RAPGEF1: variants seen among roughly 807,000 people sequenced by gnomAD.
The protein encoded by RAPGEF1 is CRK SH3-binding GNRP.
A neutral mutation model predicts 143.3 loss-of-function variants in RAPGEF1; 33 were observed. The observed-to-expected ratio is 0.23, with a 90% CI of 0.17 to 0.31. The LOEUF (loss-of-function observed/expected upper bound fraction) is 0.31, where lower values mean the gene tolerates loss of function less well. RAPGEF1 is among the 10% of genes least tolerant of loss of function. The probability of loss-of-function intolerance (pLI) is 1.00; values close to 1 mark genes in which losing one functional copy is unlikely to be tolerated. For synonymous variants in RAPGEF1, 629 were observed against 676.5 expected (o/e 0.93, Z 1.09); for missense variants, 1,199 against 1,645.4 (o/e 0.73, Z 4.69).
Position 131,628,011 on chromosome 9 carries a change from C to T in RAPGEF1, c.1103G>A (p.Cys368Tyr), listed in dbSNP as rs1320147741. The stretch of plus-strand genomic sequence containing the variant: ...CTTGCTGAGCTTGCCTATGCTGCTG[C>T]AGGGGGAGAGGCGGGGCGACTCTCC... ...YGGESPRLSP[C>Y]SSIGKLSKSD... Residue 368 changes from cysteine to tyrosine, a missense_variant, in exon 9 of 27, where the codon TGC becomes TAC. Physicochemically the swap from Cys to Tyr is radical, Grantham distance 194. This residue lies in a region of RAPGEF1 where 613 missense variants were observed against 710.9 expected (regional missense o/e 0.86). Coordinates refer to ENST00000683357, the MANE Select transcript of RAPGEF1 (RefSeq NM_001377935.1). This position sits in a 1 kb window ranked among gnomAD's most constrained non-coding sequence, Gnocchi z 5.7. The T allele has an allele frequency of 1.9e-6, 3 of 1,595,840 alleles. No homozygotes were observed. The Admixed American group carries it at 5.2e-5, about 28-fold the overall frequency.
chr9:131,584,192 C>T lies in RAPGEF1; in HGVS notation c.3414+119G>A. ...GTCACACAGCATGTCGGTGGCAGAGCAGGGGCCTAGGCCCAGCATTTGCTC... is the reference window on the plus strand; with the variant it reads ...GTCACACAGCATGTCGGTGGCAGAGTAGGGGCCTAGGCCCAGCATTTGCTC... On this transcript the variant is annotated intron_variant, in intron 24 of 26. Coordinates refer to ENST00000683357, the MANE Select transcript of RAPGEF1 (RefSeq NM_001377935.1). This position sits in a 1 kb window ranked among gnomAD's most constrained non-coding sequence, Gnocchi z 6.8. The T allele has an allele frequency of 1.1e-6, 1 of 902,308 alleles. No homozygotes were observed. Among genetic ancestry groups the T allele is most frequent in the Non-Finnish European group, 1.7e-6 (1 of 586,388 alleles). The allele number at this position is 902,308 out of a possible 1,614,324, so 55.9% of individuals were successfully genotyped here. A position where few individuals can be genotyped will look rare whatever the true frequency, so the allele number is the denominator to read the frequency against.
At position 131,578,324 on chromosome 9, in the gene RAPGEF1, G is replaced by C. The variant is rs999165860; in HGVS notation, c.*1173C>G. 6.6e-6 allele frequency: 1 copy of C among 152,602 alleles called. No individual in the cohort carries two copies. The highest frequency in any genetic ancestry group is 2.4e-5 in the African/African-American group (1 of 41,484). The allele number at this position is 152,602 out of a possible 1,614,324, so 9.5% of individuals were successfully genotyped here. A position where few individuals can be genotyped will look rare whatever the true frequency, so the allele number is the denominator to read the frequency against. ...TCTGCTCTGGAAGCCGCTCTGGCGT[G>C]GGGAGAGTGGGGAGAGGGTGCGCTT... On this transcript the variant is annotated 3_prime_UTR_variant, in exon 27 of 27. Coordinates refer to ENST00000683357, the MANE Select transcript of RAPGEF1 (RefSeq NM_001377935.1).
intron 1 of RAPGEF1, among the ~76,000 whole-genome samples, chr9:131,660,064 C>T (rs376376357): frequency 2.0e-5 from 3 of 152,196 alleles, no homozygotes; most frequent in East Asian, 1.9e-4. Context: ...GTGATCCGCC[C>T]GCCTCGGCCT....
chr9:131,610,259 C>T (rs560697537), intron 12 of RAPGEF1, among the ~76,000 whole-genome samples: 2 of 152,308 alleles, frequency 1.3e-5, no homozygotes, highest in African/African-American at 4.8e-5. Context: ...CACTTAATTC[C>T]TCTGCTGATC....
At chr9:131,635,552 C>T (rs1363629350) in intron 5 of RAPGEF1, among the ~76,000 whole-genome samples, 1 of 152,238 alleles carries the variant, frequency 6.6e-6, no homozygotes, top group Non-Finnish European at 1.5e-5. Flanking sequence ...CCCTTCTGCA[C>T]AGCTCCAGTC....
In RAPGEF1 at chr9:131,667,622, CCA is replaced by C. The variant is rs1225721903; in HGVS notation, c.62-16675_62-16674del. 6.6e-6 allele frequency among the ~76,000 whole-genome samples: 1 copy of C among 152,190 alleles called. No homozygotes were observed. ...GACTGATTTTCTCTGAAGGTAGGGA[CCA>C]CAGTCATTCAAAGGGGAACTGCCAC... On this transcript the variant is annotated intron_variant, in intron 1 of 26. Coordinates refer to ENST00000683357, the MANE Select transcript of RAPGEF1 (RefSeq NM_001377935.1). The surrounding 1 kb of genome is among the most constrained non-coding windows in gnomAD (Gnocchi z 4.6).
intron 1 of RAPGEF1, among the ~76,000 whole-genome samples, chr9:131,676,501 C>T (rs1409073958): frequency 6.6e-6 from 1 of 152,240 alleles, no homozygotes; most frequent in African/African-American, 2.4e-5. Context: ...AGCCCAACCA[C>T]GTCCTTTGAT....
In RAPGEF1 at chr9:131,628,575, T is replaced by C; in HGVS notation, c.991A>G (p.Ser331Gly). 2 of 1,612,896 alleles carry C rather than the reference T, an allele frequency of 1.2e-6. No homozygotes were observed. Among genetic ancestry groups the C allele is most frequent in the South Asian group, 1.1e-5 (1 of 91,074 alleles). Residue 331 changes from serine to glycine, a missense_variant, in exon 8 of 27, where the codon AGT becomes GGT. This residue lies in a region of RAPGEF1 where 613 missense variants were observed against 710.9 expected (regional missense o/e 0.86). Coordinates refer to ENST00000683357, the MANE Select transcript of RAPGEF1 (RefSeq NM_001377935.1). This position sits in a 1 kb window ranked among gnomAD's most constrained non-coding sequence, Gnocchi z 5.7. ...APMSRATSGS[S>G]LPVGINRQDF... is the part of the protein sequence containing the mutation. ...TGCCTATTGATTCCAACAGGCAAAC[T>C]GGAGCCACTGGTGGCTCGGCTCATG...
chr9:131,588,062 T>C, intron 20 of RAPGEF1, 36 bp from the exon 21 acceptor site: 2 of 1,565,526 alleles, frequency 1.3e-6, no homozygotes, highest in Non-Finnish European at 1.7e-6. Flanking sequence ...CCGTCAGGGG[T>C]GGGGAGGCCG....
intron 3 of RAPGEF1, among the ~76,000 whole-genome samples, chr9:131,646,961 T>C (rs1969818147): frequency 6.6e-6 from 1 of 152,062 alleles, no homozygotes; most frequent in African/African-American, 2.4e-5. Context: ...GGGAAAGGCT[T>C]TCAGGAATCC....
At chr9:131,651,485 G>C (rs1407322804) in intron 1 of RAPGEF1, among the ~76,000 whole-genome samples, 1 of 152,140 alleles carries the variant, frequency 6.6e-6, no homozygotes, top group Non-Finnish European at 1.5e-5. Flanking sequence ...TTAAGACTAG[G>C]ACATCTGTTC....
chr9:131,731,206 T>C (rs1487259257), intron 1 of RAPGEF1, among the ~76,000 whole-genome samples: 1 of 152,176 alleles, frequency 6.6e-6, no homozygotes, highest in Non-Finnish European at 1.5e-5. Flanking sequence ...TTGTAAGGAT[T>C]AAATGCAACC....
intron 1 of RAPGEF1, among the ~76,000 whole-genome samples, chr9:131,681,524 A>G (rs1355491353): frequency 1.3e-5 from 2 of 152,176 alleles, no homozygotes; most frequent in African/African-American, 4.8e-5. Context: ...ACTGTTAAAG[A>G]ATGTTGCTGT....
At chr9:131,600,511 T>A (rs1238122375) in intron 15 of RAPGEF1, among the ~76,000 whole-genome samples, 1 of 152,234 alleles carries the variant, frequency 6.6e-6, no homozygotes, top group Non-Finnish European at 1.5e-5. Context: ...GGAGGCAGGC[T>A]GGGCAGGTGG....
intron 3 of RAPGEF1, among the ~76,000 whole-genome samples, chr9:131,647,965 T>C (rs965798131): frequency 1.2e-4 from 18 of 151,938 alleles, no homozygotes; most frequent in Non-Finnish European, 1.6e-4. Context: ...TGCTTTGCCT[T>C]CCTATGGCAA....
At chr9:131,687,667 G>C (rs1425422503) in intron 1 of RAPGEF1, among the ~76,000 whole-genome samples, 1 of 152,200 alleles carries the variant, frequency 6.6e-6, no homozygotes, top group African/African-American at 2.4e-5. Context: ...CCAGCCTCCT[G>C]TGATTCCTTT....
rs1964175017 is a variant in RAPGEF1, at chr9:131,629,228, C to T, written c.767G>A (p.Arg256His). Reference sequence around the variant, plus strand: ...CGTCTTGTTTAGGATCTCTACCTCGCGGTCTGTCAGGGGGAGCTCTGCTGG... The same window carrying T: ...CGTCTTGTTTAGGATCTCTACCTCGTGGTCTGTCAGGGGGAGCTCTGCTGG... ...DGPAELPLTD[R>H]EVEILNKTTG... The change falls in exon 7 of 27, where the codon CGC (arginine) becomes CAC (histidine). Residue 256 changes from arginine (R) to histidine (H), a missense_variant. Arg to His is a conservative substitution (Grantham distance 29). Around this residue, in one of 6 missense-constraint regions of RAPGEF1, gnomAD observed 613 missense variants for 710.9 expected, o/e 0.86. Coordinates refer to ENST00000683357, the MANE Select transcript of RAPGEF1 (RefSeq NM_001377935.1). The T allele has an allele frequency of 6.2e-7, 1 of 1,613,880 alleles. No homozygotes were observed. The highest frequency in any genetic ancestry group is 8.5e-7 in the Non-Finnish European group (1 of 1,179,824).
chr9:131,642,681 C>T (rs1346867818), intron 4 of RAPGEF1, among the ~76,000 whole-genome samples: 2 of 152,162 alleles, frequency 1.3e-5, no homozygotes, highest in Non-Finnish European at 1.5e-5. Flanking sequence ...TGTGCTTCTT[C>T]GCCTCCCTGT....
At chr9:131,680,359 AAGG>A (rs573905043) in intron 1 of RAPGEF1, among the ~76,000 whole-genome samples, 3 of 152,188 alleles carry the variant, frequency 2.0e-5, no homozygotes, top group Non-Finnish European at 2.9e-5. Context: ...ACTGCAATTG[AAGG>A]AGGAGAGGAG....
Sources: allele counts gnomAD v4.1 joint callset (sites outside exome capture counted in the v4.1 genomes callset), GRCh38; gene constraint gnomAD v4.1.1; regional missense constraint gnomAD v4.1.1; non-coding constraint Gnocchi (gnomAD v3.1); transcripts MANE v1.5; gene names NCBI Gene and HGNC (gene_info 2026-07-23, HGNC 2026-07-21).